Variants in PLA2G4A observed in about 807,000 individuals in gnomAD.
PLA2G4A encodes the protein phospholipase A2 group IVA.
Under a neutral mutation model 81.9 loss-of-function variants are expected in PLA2G4A, and 40 were observed. That is an observed-to-expected ratio of 0.49 (90% confidence interval 0.38 to 0.64). The LOEUF (loss-of-function observed/expected upper bound fraction) is 0.64. PLA2G4A is among the 30% of genes least tolerant of loss of function. The pLI is 0.00. For missense variants in PLA2G4A, 715 were observed against 905.1 expected, an observed-to-expected ratio of 0.79 and a Z score of 2.69; for synonymous variants, 302 against 296.9, an observed-to-expected ratio of 1.02 and a Z score of -0.18.
rs1490432976 is a variant in PLA2G4A, at chr1:186,939,136, A to G, written c.824A>G (p.Tyr275Cys). ...CTCACACCACAGAAAGTTAAAAGAT[A>G]TGTTGAGTCTTTATGGAAGAAGAAA... ...LLLTPQKVKR[Y>C]VESLWKKKSS... The change falls in exon 9 of 18, where the codon TAT becomes TGT. Residue 275 changes from tyrosine (Y) to cysteine (C), a missense_variant. Physicochemically the swap from Tyr to Cys is radical, Grantham distance 194. Coordinates refer to ENST00000367466, the MANE Select transcript of PLA2G4A (RefSeq NM_024420.3). 1.2e-6 allele frequency: 2 copies of G among 1,609,068 alleles called. No individual in the cohort carries two copies. The highest frequency in any genetic ancestry group is 1.7e-6 in the Non-Finnish European group (2 of 1,175,550).
intron 1 of PLA2G4A, among the ~76,000 whole-genome samples, chr1:186,845,920 AG>A (rs1652156539): frequency 6.6e-6 from 1 of 152,210 alleles, no homozygotes; most frequent in Non-Finnish European, 1.5e-5. Context: ...GGGCAGGGAA[AG>A]GAAAAAAAGA....
At chr1:186,979,988 C>A (rs1171025835) in intron 17 of PLA2G4A, among the ~76,000 whole-genome samples, 1 of 138,190 alleles carries the variant, frequency 7.2e-6, no homozygotes, top group Non-Finnish European at 1.5e-5. Flanking sequence ...CGCTCTGTCG[C>A]CCAGGCTGGA....
chr1:186,860,207 AATTT>A (rs1406788341), intron 2 of PLA2G4A, among the ~76,000 whole-genome samples: 1 of 152,134 alleles, frequency 6.6e-6, no homozygotes, highest in African/African-American at 2.4e-5. Flanking sequence ...AGGAGATATT[AATTT>A]ATTAATTTAT....
intron 3 of PLA2G4A, among the ~76,000 whole-genome samples, chr1:186,883,715 T>C (rs1466220831): frequency 6.6e-6 from 1 of 152,078 alleles, no homozygotes; most frequent in Non-Finnish European, 1.5e-5. Context: ...AATAATGATA[T>C]ATTAGACACA....
chr1:186,927,978 G>A lies in PLA2G4A; in HGVS notation c.559-4785G>A, dbSNP rs1655609932. On this transcript the variant is annotated intron_variant, in intron 7 of 17. Transcript: ENST00000367466. ...TTCTTTCAGTTGGTAAAGGTCGAAA[G>A]GCAGGCAGTGGAGGGCTCCCTTTAG... is the stretch of plus-strand genomic sequence containing the variant. 2.0e-5 allele frequency among the ~76,000 whole-genome samples: 3 copies of A among 152,174 alleles called. No homozygotes were observed. The South Asian group carries it at 6.2e-4, about 31-fold the overall frequency.
chr1:186,965,293 AAGCCTGAGGGCCTAATCATATGAAAT>A, intron 14 of PLA2G4A, 90 bp from the exon 15 acceptor site: 1 of 774,268 alleles, frequency 1.3e-6, no homozygotes, highest in South Asian at 1.5e-5. Context: ...TTTGTCTCCA[AAGCCTGAGGGCCTAATCATATGAAAT>A]TCTTTCAAAT....
intron 5 of PLA2G4A, among the ~76,000 whole-genome samples, chr1:186,899,610 T>C (rs897124148): frequency 2.0e-5 from 3 of 152,186 alleles, no homozygotes; most frequent in Non-Finnish European, 2.9e-5. Flanking sequence ...GATGAGACTA[T>C]GGCAGAGCAG....
chr1:186,888,665 G>C (rs2102099973), intron 3 of PLA2G4A, among the ~76,000 whole-genome samples: 1 of 152,206 alleles, frequency 6.6e-6, no homozygotes, highest in Admixed American at 6.5e-5. Flanking sequence ...TTTAGTGTTT[G>C]GCTCCCTATC....
At chr1:186,899,121 G>C (rs1392061614) in intron 5 of PLA2G4A, among the ~76,000 whole-genome samples, 1 of 152,148 alleles carries the variant, frequency 6.6e-6, no homozygotes. Flanking sequence ...CTAAACTAGG[G>C]GCAGAGAATG....
intron 12 of PLA2G4A, 125 bp downstream of exon 12, chr1:186,947,086 G>A: frequency 1.5e-6 from 1 of 648,458 alleles, no homozygotes; most frequent in Admixed American, 2.8e-5. Flanking sequence ...TAATAATTTG[G>A]TTGAATCAAT....
Position 186,977,668 on chromosome 1 carries a change from C to T in PLA2G4A, c.1840C>T (p.Arg614Trp), listed in dbSNP as rs1349196228. 4 of 1,612,946 alleles carry T rather than the reference C, an allele frequency of 2.5e-6. No homozygotes were observed. The highest frequency in any genetic ancestry group is 1.3e-5 in the African/African-American group (1 of 74,858). The change falls in exon 16 of 18, where the codon CGG becomes TGG. Residue 614 changes from arginine (R) to tryptophan (W), a missense_variant. Coordinates refer to ENST00000367466, the MANE Select transcript of PLA2G4A (RefSeq NM_024420.3). ...FPKIDPYVFD[R>W]EGLKECYVFK... ...AAAGATTGATCCTTATGTGTTTGAT[C>T]GGGAAGGGCTGAAGGAGTGCTATGT...
intron 7 of PLA2G4A, among the ~76,000 whole-genome samples, chr1:186,932,208 A>G (rs1183632772): frequency 6.6e-6 from 1 of 152,182 alleles, no homozygotes; most frequent in Non-Finnish European, 1.5e-5. Context: ...ATTATTAAAT[A>G]GAGTAAGTTG....
Position 186,854,333 on chromosome 1 carries a change from A to G in PLA2G4A, c.-22A>G. The G allele has an allele frequency of 6.7e-7, 1 of 1,482,960 alleles. No individual in the cohort carries two copies. The highest frequency in any genetic ancestry group is 9.4e-7 in the Non-Finnish European group (1 of 1,061,500). 91.9% of individuals were successfully genotyped at this position (1,482,960 alleles called of 1,614,324 possible). A position where few individuals can be genotyped will look rare whatever the true frequency, so the allele number is the denominator to read the frequency against. On this transcript the variant is annotated 5_prime_UTR_variant, in exon 2 of 18. Transcript: ENST00000367466. ...AAAGAAGACTTTGAAGTGTGAAAACATTTCCTGTAATTGAAACCAAAATGT... is the reference window on the plus strand; with the variant it reads ...AAAGAAGACTTTGAAGTGTGAAAACGTTTCCTGTAATTGAAACCAAAATGT...
At chr1:186,978,484 T>C (rs1307156173) in intron 16 of PLA2G4A, among the ~76,000 whole-genome samples, 1 of 152,056 alleles carries the variant, frequency 6.6e-6, no homozygotes, top group African/African-American at 2.4e-5. Context: ...AGAAAAATGG[T>C]GTTTTTCTAG....
At chr1:186,948,516 GA>G (rs34068761) in intron 12 of PLA2G4A, among the ~76,000 whole-genome samples, 6,641 of 138,478 alleles carry the variant, frequency 0.048, 494 homozygotes, top group African/African-American at 0.17. Flanking sequence ...GAAGATTTTA[GA>G]AAAAAAAAAA....
At chr1:186,883,349 G>A (rs1232901614) in intron 3 of PLA2G4A, among the ~76,000 whole-genome samples, 1 of 152,030 alleles carries the variant, frequency 6.6e-6, no homozygotes, top group Non-Finnish European at 1.5e-5. Context: ...CTTCCCCCTT[G>A]TAGCCTTGAG....
chr1:186,854,173 T>A (rs936834733), intron 1 of PLA2G4A, 113 bp from the exon 2 acceptor site: 1 of 563,866 alleles, frequency 1.8e-6, no homozygotes, highest in African/African-American at 1.9e-5. Context: ...GAACTCAACC[T>A]ATCTAGTGTC....
At chr1:186,873,798 T>C (rs1653371945) in intron 3 of PLA2G4A, among the ~76,000 whole-genome samples, 1 of 152,038 alleles carries the variant, frequency 6.6e-6, no homozygotes. Context: ...ATAGCATCTC[T>C]TTCATTCCTT....
chr1:186,927,210 T>C (rs1481129583), intron 7 of PLA2G4A, among the ~76,000 whole-genome samples: 1 of 152,178 alleles, frequency 6.6e-6, no homozygotes, highest in East Asian at 1.9e-4. Context: ...ACTGCCCTTT[T>C]CTCTTTCAAC....
Sources: gnomAD v4.1 joint callset for allele counts (sites outside exome capture counted in the v4.1 genomes callset) on GRCh38, gnomAD v4.1.1 for gene constraint, MANE v1.5 for transcripts, NCBI Gene and HGNC (gene_info 2026-07-23, HGNC 2026-07-21) for gene names.